Variants in DNAH14 observed in about 807,000 individuals in gnomAD.
The protein encoded by DNAH14 is dynein axonemal heavy chain 14.
Under a neutral mutation model 520.9 loss-of-function variants are expected in DNAH14, and 478 were observed. The ratio of observed to expected loss-of-function variants is 0.92; its 90% confidence interval spans 0.85 to 0.99. The LOEUF is 0.99. DNAH14 is among the 50% of genes least tolerant of loss of function. DNAH14 has a pLI of 0.00. For synonymous variants in DNAH14, 1,581 were observed against 1,757.2 expected (o/e 0.90, Z 2.51); for missense variants, 4,831 against 5,234.5 (o/e 0.92, Z 2.38).
intron 11 of DNAH14, among the ~76,000 whole-genome samples, chr1:225,031,825 T>C (rs114487959): frequency 1.1e-3 from 167 of 152,232 alleles, no homozygotes; most frequent in African/African-American, 3.9e-3. Flanking sequence ...AATATCCATT[T>C]ATGTTTATCC....
chr1:224,973,871 A>G (rs1179740689), intron 7 of DNAH14, among the ~76,000 whole-genome samples: 3 of 152,184 alleles, frequency 2.0e-5, no homozygotes, highest in South Asian at 2.1e-4. Flanking sequence ...TCCTGTATCT[A>G]TGAGAATTAT....
At chr1:224,956,390 A>G (rs924318553) in intron 3 of DNAH14, among the ~76,000 whole-genome samples, 1 of 152,138 alleles carries the variant, frequency 6.6e-6, no homozygotes, top group Non-Finnish European at 1.5e-5. Flanking sequence ...TTTTCACTGT[A>G]CCTTTTCTAT....
intron 1 of DNAH14, among the ~76,000 whole-genome samples, chr1:224,938,931 CAGAA>C (rs1269352178): frequency 6.6e-6 from 1 of 152,078 alleles, no homozygotes; most frequent in Admixed American, 6.6e-5. Context: ...AAGCCAAGCA[CAGAA>C]AGACAGATAT....
chr1:225,042,358 G>A (rs1043916603), intron 12 of DNAH14, among the ~76,000 whole-genome samples: 3 of 152,138 alleles, frequency 2.0e-5, no homozygotes, highest in Non-Finnish European at 4.4e-5. Context: ...TTTTTCACTG[G>A]AGATGTCCAT....
chr1:225,378,844 C>A (rs12073468), intron 79 of DNAH14, among the ~76,000 whole-genome samples: 1 of 148,320 alleles, frequency 6.7e-6, no homozygotes, highest in African/African-American at 2.5e-5. Context: ...AGCAACACTG[C>A]ACTCCAGCTG....
chr1:225,018,748 T>TA (rs2065418634), intron 10 of DNAH14, among the ~76,000 whole-genome samples: 1 of 152,168 alleles, frequency 6.6e-6, no homozygotes, highest in Middle Eastern at 3.2e-3. Context: ...GGCCTATTTT[T>TA]AACATCCTTA....
At chr1:225,005,891 A>G (rs1382457073) in intron 9 of DNAH14, among the ~76,000 whole-genome samples, 3 of 152,184 alleles carry the variant, frequency 2.0e-5, no homozygotes, top group Non-Finnish European at 2.9e-5. Context: ...TTTCTTCCTT[A>G]TAGATTCTGA....
Position 225,374,725 on chromosome 1 carries a change from A to C in DNAH14, c.12356A>C (p.Gln4119Pro), listed in dbSNP as rs1185754601. 4 of 1,550,394 alleles carry C rather than the reference A, an allele frequency of 2.6e-6. No individual in the cohort carries two copies. Among genetic ancestry groups the C allele is most frequent in the Non-Finnish European group, 3.5e-6 (4 of 1,146,208 alleles). Residue 4119 changes from glutamine (Q) to proline (P), a missense_variant, in exon 78 of 86, where the codon CAG becomes CCG. Transcript: ENST00000682510. ...IKVLENSLRGQPSISWQALRY... is the reference protein window; with the variant it reads ...IKVLENSLRGPPSISWQALRY... Reference sequence around the variant, plus strand: ...GTGTTGGAAAATTCCCTGAGAGGACAGCCCAGCATTTCGTGGCAAGCACTG... The same window carrying C: ...GTGTTGGAAAATTCCCTGAGAGGACCGCCCAGCATTTCGTGGCAAGCACTG...
Position 225,105,841 on chromosome 1 carries a change from A to G in DNAH14, c.3867+4957A>G, listed in dbSNP as rs1454223359. 1.3e-4 allele frequency among the ~76,000 whole-genome samples: 20 copies of G among 151,972 alleles called. No individual in the cohort carries two copies. The South Asian group carries it at 2.5e-3, about 19-fold the overall frequency. On this transcript the variant is annotated intron_variant, in intron 23 of 85. Transcript: ENST00000682510. ...CTGATGGTTCTTGACTCTTTATCCA[A>G]TTTGCCAGTCTGTGTCTTTTAATTG...
intron 10 of DNAH14, among the ~76,000 whole-genome samples, chr1:225,011,758 CTTTTTTTTTTTT>C (rs200216236): frequency 5.8e-4 from 48 of 82,122 alleles, no homozygotes; most frequent in Non-Finnish European, 5.9e-4. Context: ...GCAACCTCTG[CTTTTTTTTTTTT>C]TTTTTTTTTT....
At chr1:225,192,499 T>G (rs1484543926) in intron 37 of DNAH14, among the ~76,000 whole-genome samples, 197 bp from the exon 38 acceptor site, 1 of 152,128 alleles carries the variant, frequency 6.6e-6, no homozygotes, top group Non-Finnish European at 1.5e-5. Context: ...TTACAATTTT[T>G]TAAAAGAATG....
intron 21 of DNAH14, among the ~76,000 whole-genome samples, chr1:225,090,577 G>T (rs2074286344): frequency 6.6e-6 from 1 of 152,002 alleles, no homozygotes; most frequent in South Asian, 2.1e-4. Context: ...CATACGTATG[G>T]ACAACTGATT....
At chr1:225,208,795 C>A (rs979042341) in intron 41 of DNAH14, among the ~76,000 whole-genome samples, 1 of 152,024 alleles carries the variant, frequency 6.6e-6, no homozygotes, top group African/African-American at 2.4e-5. Flanking sequence ...TTTCTTTATT[C>A]TCTTTGTGTT....
chr1:225,396,033 G>A (rs1310317587), intron 84 of DNAH14: 1 of 152,200 alleles, frequency 6.6e-6, no homozygotes, highest in Non-Finnish European at 1.5e-5. Context: ...CTCTAATTCT[G>A]CTAGAACTCC....
chr1:225,205,662 C>G (rs1050759521), intron 39 of DNAH14, among the ~76,000 whole-genome samples: 1 of 152,118 alleles, frequency 6.6e-6, no homozygotes, highest in African/African-American at 2.4e-5. Context: ...GGCAAACTTA[C>G]AAATCATATT....
intron 74 of DNAH14, among the ~76,000 whole-genome samples, 193 bp from the exon 75 acceptor site, chr1:225,360,488 T>C (rs955121069): frequency 6.6e-6 from 1 of 152,216 alleles, no homozygotes; most frequent in African/African-American, 2.4e-5. Flanking sequence ...TAGATATTGT[T>C]ATCATCCTCG....
At chr1:225,332,662 C>T (rs2094824234) in intron 65 of DNAH14, among the ~76,000 whole-genome samples, 1 of 151,952 alleles carries the variant, frequency 6.6e-6, no homozygotes, top group Admixed American at 6.6e-5. Context: ...TTGTTGAATA[C>T]TATTAATAGT....
At chr1:225,171,708 C>G (rs2082691488) in intron 36 of DNAH14, among the ~76,000 whole-genome samples, 1 of 152,184 alleles carries the variant, frequency 6.6e-6, no homozygotes, top group African/African-American at 2.4e-5. Flanking sequence ...GGAGCTGGTA[C>G]CATTCCTTCT....
intron 41 of DNAH14, among the ~76,000 whole-genome samples, chr1:225,221,805 G>A (rs1424753979): frequency 1.3e-5 from 2 of 152,162 alleles, no homozygotes; most frequent in East Asian, 3.9e-4. Flanking sequence ...AGGTATAAAG[G>A]AATGTAGAGG....
Sources: allele counts gnomAD v4.1 joint callset (sites outside exome capture counted in the v4.1 genomes callset), GRCh38; gene constraint gnomAD v4.1.1; transcripts MANE v1.5; gene names NCBI Gene and HGNC (gene_info 2026-07-23, HGNC 2026-07-21).